NOL4L: variants seen among roughly 807,000 people sequenced by gnomAD.
NOL4L encodes nucleolar protein 4-like.
In NOL4L, 7 loss-of-function variants were observed where a neutral mutation model predicts 64.5. That is an observed-to-expected ratio of 0.11 (90% confidence interval 0.06 to 0.20). NOL4L has a LOEUF of 0.20. NOL4L is among the 10% of genes least tolerant of loss of function. NOL4L has a pLI of 1.00. For missense variants in NOL4L, 680 were observed against 967.1 expected, an observed-to-expected ratio of 0.70 and a Z score of 3.94; for synonymous variants, 413 against 401.0, an observed-to-expected ratio of 1.03 and a Z score of -0.36.
At chr20:32,485,056 GC>G (rs1337789151) in intron 4 of NOL4L, among the ~76,000 whole-genome samples, 32 of 19,358 alleles carry the variant, frequency 1.7e-3, no homozygotes, top group African/African-American at 9.0e-3. Flanking sequence ...TGGGGAAATT[GC>G]CAAAAAAAAA....
intron 1 of NOL4L, among the ~76,000 whole-genome samples, chr20:32,540,789 A>T (rs1458550967): frequency 1.3e-5 from 2 of 152,086 alleles, no homozygotes; most frequent in Non-Finnish European, 2.9e-5. Flanking sequence ...AAGTAAGGCT[A>T]TCCTGGTTAG....
intron 1 of NOL4L, among the ~76,000 whole-genome samples, chr20:32,581,161 C>G (rs1490478349): frequency 6.6e-6 from 1 of 152,188 alleles, no homozygotes; most frequent in Non-Finnish European, 1.5e-5. Flanking sequence ...ACTCCGCCCT[C>G]CTCTCCTCCA....
Position 32,447,389 on chromosome 20 carries a change from G to T in NOL4L, c.*207C>A. On this transcript the variant is annotated 3_prime_UTR_variant, in exon 11 of 11. Transcript: ENST00000621426. ...CTCTTCCAAGCAGGTCAGAGCACCC[G>T]TGTGGTGAGATTCCAAAAAAAAAAA... The T allele has an allele frequency of 1.6e-6, 1 of 608,104 alleles. No individual in the cohort carries two copies. The highest frequency in any genetic ancestry group is 2.6e-6 in the Non-Finnish European group (1 of 391,688). 37.7% of individuals were successfully genotyped at this position (608,104 alleles called of 1,614,324 possible).
intron 3 of NOL4L, among the ~76,000 whole-genome samples, 188 bp from the exon 4 acceptor site, chr20:32,511,644 T>C (rs531292617): frequency 6.6e-6 from 1 of 151,458 alleles, no homozygotes; most frequent in Non-Finnish European, 1.5e-5. Context: ...TCAAAAATAT[T>C]TTTTTTTTAT....
chr20:32,583,567 CCGGGCCGGG>C (rs2145630286), intron 1 of NOL4L, among the ~76,000 whole-genome samples: 1 of 149,138 alleles, frequency 6.7e-6, no homozygotes, highest in African/African-American at 2.5e-5. Flanking sequence ...CGCGGCCCGA[CCGGGCCGGG>C]GGCGGAACGC....
chr20:32,522,149 T>C (rs1426559978), intron 2 of NOL4L, among the ~76,000 whole-genome samples: 1 of 152,210 alleles, frequency 6.6e-6, no homozygotes, highest in East Asian at 1.9e-4. Flanking sequence ...AGGCTGTGGC[T>C]GGGCTCTTGG....
chr20:32,480,435 G>GA (rs927599256), intron 4 of NOL4L, among the ~76,000 whole-genome samples: 4 of 152,160 alleles, frequency 2.6e-5, no homozygotes, highest in Admixed American at 6.5e-5. Context: ...AGGCTTGTTC[G>GA]ACAGGAGGCT....
Position 32,453,330 on chromosome 20 carries a change from G to A in NOL4L, c.1471C>T (p.Arg491Cys). The A allele has an allele frequency of 6.2e-7, 1 of 1,614,006 alleles. No homozygotes were observed. The highest frequency in any genetic ancestry group is 8.5e-7 in the Non-Finnish European group (1 of 1,179,942). ...ATCTCCATGCCGTTCTTCTTCATGC[G>A]ACGGCAGGACTTGAGGTACGTGCGG... ...RIRTYLKSCR[R>C]MKKNGMEMTR... The change falls in exon 8 of 11, where the codon CGC (arginine) becomes TGC (cysteine). Residue 491 changes from arginine (R) to cysteine (C), a missense_variant. Arg to Cys is a radical substitution (Grantham distance 180). Transcript: ENST00000621426. The surrounding 1 kb of genome is among the most constrained non-coding windows in gnomAD (Gnocchi z 5.6).
At chr20:32,513,336 G>T (rs1044214328) in intron 3 of NOL4L, among the ~76,000 whole-genome samples, 5 of 152,122 alleles carry the variant, frequency 3.3e-5, no homozygotes, top group African/African-American at 1.2e-4. Context: ...GATACCAAGG[G>T]CAAGAAGCCA....
At chr20:32,533,848 G>C (rs1412561321) in intron 1 of NOL4L, among the ~76,000 whole-genome samples, 1 of 152,166 alleles carries the variant, frequency 6.6e-6, no homozygotes, top group Admixed American at 6.5e-5. Context: ...GAGGGGGATC[G>C]GCATGTCTTA....
At chr20:32,477,703 G>T (rs1346689871) in intron 4 of NOL4L, among the ~76,000 whole-genome samples, 1 of 152,192 alleles carries the variant, frequency 6.6e-6, no homozygotes, top group Non-Finnish European at 1.5e-5. Context: ...CAGGCTGGTG[G>T]GCTGGTGGCA....
intron 1 of NOL4L, among the ~76,000 whole-genome samples, chr20:32,578,627 G>A (rs956666481): frequency 2.0e-5 from 3 of 152,208 alleles, no homozygotes; most frequent in Non-Finnish European, 4.4e-5. Flanking sequence ...TGAGTGAGCA[G>A]GGTGGCCTCA....
At chr20:32,480,848 G>A (rs2015671223) in intron 4 of NOL4L, among the ~76,000 whole-genome samples, 1 of 152,200 alleles carries the variant, frequency 6.6e-6, no homozygotes, top group South Asian at 2.1e-4. Flanking sequence ...TCCCAAGGCT[G>A]TTGCTTCATG....
At chr20:32,524,599 G>A (rs1218341638) in intron 2 of NOL4L, among the ~76,000 whole-genome samples, 10 of 152,342 alleles carry the variant, frequency 6.6e-5, no homozygotes, top group South Asian at 2.1e-4. Flanking sequence ...AGGATTCAGC[G>A]TTGGCAAAAC....
chr20:32,568,695 C>T (rs1290223336), intron 1 of NOL4L, among the ~76,000 whole-genome samples: 2 of 152,226 alleles, frequency 1.3e-5, no homozygotes, highest in African/African-American at 2.4e-5. Flanking sequence ...TGCCCCTGCC[C>T]GACCTGGGCT....
At chr20:32,500,893 C>G (rs143647624) in intron 4 of NOL4L, among the ~76,000 whole-genome samples, 1 of 152,178 alleles carries the variant, frequency 6.6e-6, no homozygotes, top group African/African-American at 2.4e-5. Flanking sequence ...ATAAAATAAA[C>G]AGCTATGAGT....
chr20:32,475,500 G>A, intron 4 of NOL4L: 1 of 266,602 alleles, frequency 3.8e-6, no homozygotes, highest in Non-Finnish European at 5.8e-6. Context: ...TCTCCTCGCT[G>A]CCGGCTTCGG....
intron 2 of NOL4L, among the ~76,000 whole-genome samples, chr20:32,522,479 A>C (rs1357757705): frequency 6.6e-6 from 1 of 152,194 alleles, no homozygotes; most frequent in Admixed American, 6.5e-5. Context: ...TGCCATGCAC[A>C]CAGAGAGCTT....
At chr20:32,465,294 G>A (rs1475339449) in intron 5 of NOL4L, among the ~76,000 whole-genome samples, 1 of 152,110 alleles carries the variant, frequency 6.6e-6, no homozygotes, top group Non-Finnish European at 1.5e-5. Context: ...CACCCGGGAT[G>A]AGTGGAGGCG....
Sources: allele counts gnomAD v4.1 joint callset (sites outside exome capture counted in the v4.1 genomes callset), GRCh38; gene constraint gnomAD v4.1.1; non-coding constraint Gnocchi (gnomAD v3.1); transcripts MANE v1.5; gene names NCBI Gene and HGNC (gene_info 2026-07-23, HGNC 2026-07-21).